The following RASSF3 variants were observed in gnomAD, a reference collection of about 807,000 sequenced individuals.
The protein encoded by RASSF3 is Ras association domain family member 3.
A neutral mutation model predicts 19.9 loss-of-function variants in RASSF3; 19 were observed. The observed-to-expected ratio is 0.96, with a 90% CI of 0.67 to 1.40. The LOEUF (loss-of-function observed/expected upper bound fraction) is 1.40, where lower values mean the gene tolerates loss of function less well. Among genes scored for constraint, RASSF3 ranks in the 40% most tolerant of loss-of-function variants. The pLI is 0.00. For missense variants in RASSF3, 306 were observed against 289.8 expected (o/e 1.06, Z -0.41); for synonymous variants, 110 against 104.2 (o/e 1.06, Z -0.34).
At chr12:64,525,042 G>A (rs567355739) in intron 1 of RASSF3, among the ~76,000 whole-genome samples, 6 of 152,118 alleles carry the variant, frequency 3.9e-5, no homozygotes, top group South Asian at 4.1e-4. Flanking sequence ...TTGGGAGGCC[G>A]AGGCAGGTGG....
intron 2 of RASSF3, among the ~76,000 whole-genome samples, chr12:64,555,230 A>T (rs933289403): frequency 6.6e-6 from 1 of 151,456 alleles, no homozygotes; most frequent in Non-Finnish European, 1.5e-5. Context: ...TGACAGAGTC[A>T]GACTCTGTCA....
At chr12:64,581,200 C>T (rs948008378) in intron 2 of RASSF3, among the ~76,000 whole-genome samples, 3 of 151,892 alleles carry the variant, frequency 2.0e-5, no homozygotes, top group East Asian at 1.9e-4. Flanking sequence ...AATAACTTGA[C>T]GATAGTAGTT....
intron 2 of RASSF3, among the ~76,000 whole-genome samples, chr12:64,577,750 A>G (rs1019465896): frequency 6.6e-6 from 1 of 152,082 alleles, no homozygotes; most frequent in African/African-American, 2.4e-5. Flanking sequence ...ATCAAAAACA[A>G]AAACAAAAAA....
intron 2 of RASSF3, among the ~76,000 whole-genome samples, chr12:64,553,680 T>A (rs930381010): frequency 2.6e-5 from 4 of 152,004 alleles, no homozygotes; most frequent in Non-Finnish European, 5.9e-5. Context: ...GTTTCTTAAT[T>A]TAAGAAGTTG....
chr12:64,546,095 C>CAAAAAAA (rs34666595), downstream of RASSF3, among the ~76,000 whole-genome samples: 1 of 59,542 alleles, frequency 1.7e-5, no homozygotes, highest in African/African-American at 6.6e-5. Context: ...GACTCCGTCT[C>CAAAAAAA]AAAAAAAAAA....
intron 1 of RASSF3, among the ~76,000 whole-genome samples, chr12:64,665,464 A>G (rs1215031365): frequency 6.6e-6 from 1 of 152,296 alleles, no homozygotes; most frequent in East Asian, 1.9e-4. Context: ...AAGTTTGATA[A>G]TAAATACTAT....
At chr12:64,614,699 C>CTTTTTT (rs11334564) in intron 1 of RASSF3, among the ~76,000 whole-genome samples, 1 of 129,484 alleles carries the variant, frequency 7.7e-6, no homozygotes, top group African/African-American at 2.9e-5. Flanking sequence ...CTTTTCTTTT[C>CTTTTTT]TTTTTTTTTT....
intron 1 of RASSF3, among the ~76,000 whole-genome samples, chr12:64,537,820 G>A (rs1357332928): frequency 2.6e-5 from 4 of 152,212 alleles, no homozygotes; most frequent in Non-Finnish European, 5.9e-5. Flanking sequence ...TTAAACAACA[G>A]AAAATCATCT....
chr12:64,590,451 C>T (rs1043513187), intron 2 of RASSF3, among the ~76,000 whole-genome samples: 1 of 152,134 alleles, frequency 6.6e-6, no homozygotes, highest in Admixed American at 6.6e-5. Flanking sequence ...GGGGAAGAGA[C>T]ACCCTTCATT....
intron 2 of RASSF3, among the ~76,000 whole-genome samples, chr12:64,548,618 G>A (rs1280946799): frequency 6.6e-6 from 1 of 152,110 alleles, no homozygotes; most frequent in African/African-American, 2.4e-5. Flanking sequence ...GGATTTATCG[G>A]TCAAGAGTTT....
intron 1 of RASSF3, among the ~76,000 whole-genome samples, chr12:64,682,383 A>G (rs1028742162): frequency 2.0e-5 from 3 of 152,032 alleles, no homozygotes; most frequent in Non-Finnish European, 2.9e-5. Flanking sequence ...CATCCTGGCT[A>G]ATACGGTGAA....
At chr12:64,686,352 G>A (rs146915709) in intron 2 of RASSF3, among the ~76,000 whole-genome samples, 1,735 of 152,188 alleles carry the variant, frequency 0.011, 19 homozygotes, top group Non-Finnish European at 0.018. Flanking sequence ...GGTGGCTCAC[G>A]CCTGTAATCC....
At chr12:64,586,323 CAA>C (rs772277001) in intron 2 of RASSF3, among the ~76,000 whole-genome samples, 48 of 115,536 alleles carry the variant, frequency 4.2e-4, no homozygotes, top group Middle Eastern at 5.3e-3. Context: ...GACTCTGTGT[CAA>C]AAAAAAAAAA....
At chr12:64,611,816 C>T (rs1870375964) in intron 1 of RASSF3, among the ~76,000 whole-genome samples, 1 of 152,146 alleles carries the variant, frequency 6.6e-6, no homozygotes, top group Non-Finnish European at 1.5e-5. Context: ...GGTGGTCTTG[C>T]CAGACCTCTT....
intron 1 of RASSF3, among the ~76,000 whole-genome samples, chr12:64,615,055 TGTATTTGTGGATTCAC>T (rs1219408320): frequency 1.3e-5 from 2 of 152,224 alleles, no homozygotes; most frequent in South Asian, 2.1e-4. Context: ...GTTTATAATT[TGTATTTGTGGATTCAC>T]GTATTTGTGG....
intron 2 of RASSF3, among the ~76,000 whole-genome samples, chr12:64,561,901 C>G (rs1408901862): frequency 6.6e-6 from 1 of 151,876 alleles, no homozygotes; most frequent in African/African-American, 2.4e-5. Context: ...CCAGGTTGGT[C>G]TCAAAGTCTT....
intron 1 of RASSF3, among the ~76,000 whole-genome samples, chr12:64,536,782 T>C (rs1293540708): frequency 6.6e-6 from 1 of 152,220 alleles, no homozygotes; most frequent in Non-Finnish European, 1.5e-5. Context: ...CCCTTTTCCC[T>C]TCAATATCAT....
chr12:64,643,540 C>T (rs1871621254), intron 1 of RASSF3, among the ~76,000 whole-genome samples: 1 of 151,432 alleles, frequency 6.6e-6, no homozygotes, highest in Non-Finnish European at 1.5e-5. Context: ...CTAGTGAGAC[C>T]CCGTCTCTTA....
intron 1 of RASSF3, among the ~76,000 whole-genome samples, chr12:64,511,888 A>T (rs887774768): frequency 6.6e-6 from 1 of 152,090 alleles, no homozygotes; most frequent in Non-Finnish European, 1.5e-5. Flanking sequence ...TTACACTAAC[A>T]ATCTTCTCTG....
Sources: allele counts gnomAD v4.1 joint callset (sites outside exome capture counted in the v4.1 genomes callset), GRCh38; gene constraint gnomAD v4.1.1; transcripts MANE v1.5; gene names NCBI Gene and HGNC (gene_info 2026-07-23, HGNC 2026-07-21).